Variants in DLGAP1 observed in about 807,000 individuals in gnomAD.
The protein encoded by DLGAP1 is DLG associated protein 1.
DLGAP1 carries 11 observed loss-of-function variants against 90.8 expected under a neutral mutation model. That is an observed-to-expected ratio of 0.12 (90% confidence interval 0.08 to 0.20). DLGAP1 has a LOEUF of 0.20. Among genes scored for constraint, DLGAP1 ranks in the 10% least tolerant of loss-of-function variants. DLGAP1 has a pLI of 1.00. For synonymous variants in DLGAP1, 558 were observed against 540.7 expected, an observed-to-expected ratio of 1.03 and a Z score of -0.44; for missense variants, 1,050 against 1,333.8, an observed-to-expected ratio of 0.79 and a Z score of 3.31.
chr18:4,279,908 C>A (rs960531434), intron 1 of DLGAP1, among the ~76,000 whole-genome samples: 2 of 152,124 alleles, frequency 1.3e-5, no homozygotes, highest in Non-Finnish European at 1.5e-5. Flanking sequence ...ATACTCATGG[C>A]TGTTTTTGAA....
intron 7 of DLGAP1, among the ~76,000 whole-genome samples, chr18:3,667,430 G>A (rs895556637): frequency 6.6e-6 from 1 of 152,028 alleles, no homozygotes; most frequent in Admixed American, 6.6e-5. Context: ...ACAAAATGAG[G>A]CTGATAATAG....
At chr18:3,804,107 C>A (rs1598816559) in intron 5 of DLGAP1, among the ~76,000 whole-genome samples, 1 of 151,448 alleles carries the variant, frequency 6.6e-6, no homozygotes, top group Non-Finnish European at 1.5e-5. Flanking sequence ...GACTCAGCCT[C>A]CTGAGTAGCT....
intron 9 of DLGAP1, among the ~76,000 whole-genome samples, chr18:3,543,733 G>A (rs1249169175): frequency 2.0e-5 from 3 of 152,180 alleles, no homozygotes; most frequent in African/African-American, 7.2e-5. Flanking sequence ...GGAAACAAAT[G>A]GGGCCTTTGA....
At chr18:3,918,821 A>C (rs2072203966) in intron 3 of DLGAP1, among the ~76,000 whole-genome samples, 1 of 152,162 alleles carries the variant, frequency 6.6e-6, no homozygotes, top group South Asian at 2.1e-4. Context: ...GACTGGAAAG[A>C]AGGGGGCAGA....
At chr18:4,366,721 C>T (rs1210035014) in intron 1 of DLGAP1, among the ~76,000 whole-genome samples, 1 of 151,724 alleles carries the variant, frequency 6.6e-6, no homozygotes, top group Non-Finnish European at 1.5e-5. Flanking sequence ...AAAAAAATCT[C>T]ACTATAGGTA....
chr18:4,057,000 TACATACACACACACACAC>T (rs2075227161), intron 2 of DLGAP1, among the ~76,000 whole-genome samples: 3 of 94,902 alleles, frequency 3.2e-5, no homozygotes, highest in African/African-American at 8.1e-5. Context: ...CAACTGACCA[TACATACACACACACACAC>T]ACACACACAC....
chr18:4,147,592 T>G (rs2076606914), intron 2 of DLGAP1, among the ~76,000 whole-genome samples: 1 of 150,926 alleles, frequency 6.6e-6, no homozygotes, highest in South Asian at 2.1e-4. Context: ...CATCCATCCA[T>G]CCATCCATCC....
intron 7 of DLGAP1, among the ~76,000 whole-genome samples, chr18:3,626,499 TGGGAG>T (rs1231681865): frequency 3.4e-5 from 5 of 145,076 alleles, no homozygotes; most frequent in African/African-American, 1.0e-4. Context: ...GAGGCTGAGG[TGGGAG>T]GATCACTTGA....
At chr18:4,190,618 G>T (rs8098756) in intron 1 of DLGAP1, among the ~76,000 whole-genome samples, 25,035 of 152,072 alleles carry the variant, frequency 0.16, 2,669 homozygotes, top group East Asian at 0.51. Flanking sequence ...ATTGTGTGCA[G>T]AAAGGAAGGG....
intron 1 of DLGAP1, among the ~76,000 whole-genome samples, chr18:4,343,074 G>C (rs1191740625): frequency 6.6e-6 from 1 of 152,184 alleles, no homozygotes; most frequent in South Asian, 2.1e-4. Context: ...TTGGGAGGCC[G>C]AGGCAGGCGG....
At chr18:4,411,489 T>G (rs1233664733) in intron 1 of DLGAP1, among the ~76,000 whole-genome samples, 1 of 152,148 alleles carries the variant, frequency 6.6e-6, no homozygotes, top group African/African-American at 2.4e-5. Context: ...AAGCAGCAAT[T>G]TAGAGCAAAG....
chr18:4,407,295 C>T (rs1174102989), intron 1 of DLGAP1, among the ~76,000 whole-genome samples: 1 of 152,080 alleles, frequency 6.6e-6, no homozygotes, highest in African/African-American at 2.4e-5. Flanking sequence ...ATTTGGCTGC[C>T]CAAGTTTTTC....
chr18:4,044,869 G>A (rs1416524605), intron 2 of DLGAP1, among the ~76,000 whole-genome samples: 4 of 151,984 alleles, frequency 2.6e-5, no homozygotes, highest in Admixed American at 6.5e-5. Context: ...TTGAAGGTGC[G>A]GCCTGGTGGG....
chr18:4,313,065 T>G (rs977176387), intron 1 of DLGAP1, among the ~76,000 whole-genome samples: 1 of 152,234 alleles, frequency 6.6e-6, no homozygotes, highest in Non-Finnish European at 1.5e-5. Flanking sequence ...TAAAAAATTA[T>G]GCTTGTCATG....
intron 1 of DLGAP1, among the ~76,000 whole-genome samples, chr18:4,353,900 T>A (rs2081450091): frequency 6.6e-6 from 1 of 152,050 alleles, no homozygotes. Flanking sequence ...GAACTCAAAT[T>A]TATAATGCCT....
intron 1 of DLGAP1, among the ~76,000 whole-genome samples, chr18:4,198,565 G>A (rs2077545685): frequency 6.6e-6 from 1 of 152,294 alleles, no homozygotes; most frequent in Admixed American, 6.5e-5. Flanking sequence ...GATGGTCATC[G>A]ATAATATTAT....
chr18:3,792,413 T>C (rs924674818), intron 5 of DLGAP1, among the ~76,000 whole-genome samples: 1 of 151,428 alleles, frequency 6.6e-6, no homozygotes, highest in African/African-American at 2.4e-5. Context: ...ACCCAGGAGG[T>C]AGAGATTGCA....
intron 4 of DLGAP1, among the ~76,000 whole-genome samples, chr18:3,821,116 C>T (rs1156456180): frequency 2.6e-5 from 4 of 151,962 alleles, no homozygotes; most frequent in Non-Finnish European, 5.9e-5. Flanking sequence ...AAGACCCCAT[C>T]TCTACAAAAT....
intron 1 of DLGAP1, among the ~76,000 whole-genome samples, chr18:4,311,049 C>T (rs1401940640): frequency 1.3e-5 from 2 of 152,120 alleles, no homozygotes; most frequent in African/African-American, 4.8e-5. Flanking sequence ...CTTATTTTTC[C>T]TTTCAAAGCC....
Sources: allele counts gnomAD v4.1 joint callset (sites outside exome capture counted in the v4.1 genomes callset), GRCh38; gene constraint gnomAD v4.1.1; transcripts MANE v1.5; gene names NCBI Gene and HGNC (gene_info 2026-07-23, HGNC 2026-07-21).